The following METTL15 variants were observed in gnomAD, a reference collection of about 807,000 sequenced individuals.
METTL15 encodes the protein 12S rRNA N(4)-cytidine methyltransferase METTL15.
A neutral mutation model predicts 38.3 loss-of-function variants in METTL15; 34 were observed. That is an observed-to-expected ratio of 0.89 (90% CI 0.68 to 1.18). The LOEUF (loss-of-function observed/expected upper bound fraction) is 1.18, where lower values mean the gene tolerates loss of function less well. Ranked by LOEUF, METTL15 falls within the 50% of genes most tolerant of loss-of-function variation. The pLI is 0.00. For missense variants in METTL15, 438 were observed against 498.4 expected (o/e 0.88, Z 1.15); for synonymous variants, 162 against 170.9 (o/e 0.95, Z 0.41).
At chr11:28,303,696 A>G (rs1856986720) in intron 6 of METTL15, among the ~76,000 whole-genome samples, 1 of 152,176 alleles carries the variant, frequency 6.6e-6, no homozygotes, top group Non-Finnish European at 1.5e-5. Context: ...ATAAATCAAT[A>G]AAAGGATACG....
rs913047877 is a variant in METTL15 at position 28,331,954 on chromosome 11, A to G, written c.*1113A>G. The stretch of plus-strand genomic sequence containing the variant: ...TATTCTCTTAGTTATCCTTGAAATC[A>G]TATTTATACTATTAATTTGCTCAGT... On this transcript the variant is annotated 3_prime_UTR_variant, in exon 7 of 7. Coordinates refer to ENST00000407364, the MANE Select transcript of METTL15 (RefSeq NM_001113528.2). 2.6e-5 allele frequency: 4 copies of G among 152,176 alleles called. No homozygotes were observed. Among genetic ancestry groups the G allele is most frequent in the African/African-American group, 9.6e-5 (4 of 41,458 alleles). The allele number at this position is 152,176 out of a possible 1,614,324, so 9.4% of individuals were successfully genotyped here. A position where few individuals can be genotyped will look rare whatever the true frequency, so the allele number is the denominator to read the frequency against.
chr11:28,199,680 C>G lies in METTL15; in HGVS notation c.271-11382C>G, dbSNP rs556758917. 2.2e-4 allele frequency among the ~76,000 whole-genome samples: 33 copies of G among 151,688 alleles called. No homozygotes were observed. In the South Asian group the frequency reaches 6.7e-3, roughly 31 times the overall value. On this transcript the variant is annotated intron_variant, in intron 3 of 6. Coordinates refer to ENST00000407364, the MANE Select transcript of METTL15 (RefSeq NM_001113528.2). ...TTTTGAAGTAAATGGCTCCAATATA[C>G]TCATCTGTAAAATGGGATTACATTA...
intron 6 of METTL15, among the ~76,000 whole-genome samples, chr11:28,453,904 G>A (rs1219189769): frequency 1.3e-5 from 2 of 152,096 alleles, no homozygotes; most frequent in Non-Finnish European, 2.9e-5. Context: ...ACTTTAATTG[G>A]CACAGATCCC....
chr11:28,408,900 T>C (rs1397711875), intron 5 of METTL15, among the ~76,000 whole-genome samples: 2 of 152,164 alleles, frequency 1.3e-5, no homozygotes, highest in African/African-American at 4.8e-5. Context: ...TACCACACCC[T>C]CTTTCAACAA....
chr11:28,162,310 A>T (rs1034259255), intron 3 of METTL15, among the ~76,000 whole-genome samples: 29 of 152,186 alleles, frequency 1.9e-4, no homozygotes, highest in Admixed American at 4.6e-4. Flanking sequence ...ATTAGAGTGT[A>T]CATTGTCTTG....
intron 3 of METTL15, among the ~76,000 whole-genome samples, chr11:28,198,229 G>A (rs1851980947): frequency 1.3e-5 from 2 of 152,034 alleles, no homozygotes; most frequent in South Asian, 4.1e-4. Context: ...AGCTACTTGT[G>A]TTAATTTAGC....
chr11:28,481,853 G>A (rs900464399), intron 6 of METTL15, among the ~76,000 whole-genome samples: 2 of 152,318 alleles, frequency 1.3e-5, no homozygotes, highest in Non-Finnish European at 2.9e-5. Context: ...TGTTATTGGC[G>A]AGGGTCGCTG....
intron 4 of METTL15, among the ~76,000 whole-genome samples, chr11:28,260,440 T>C (rs1233656535): frequency 6.6e-6 from 1 of 152,234 alleles, no homozygotes; most frequent in African/African-American, 2.4e-5. Flanking sequence ...TATTTATTTA[T>C]GTCTTTCAAT....
At chr11:28,310,576 T>C (rs546731220) in intron 6 of METTL15, among the ~76,000 whole-genome samples, 5 of 152,298 alleles carry the variant, frequency 3.3e-5, no homozygotes, top group South Asian at 2.1e-4. Context: ...CCCTAAGATA[T>C]CACAGCTTTA....
intron 4 of METTL15, among the ~76,000 whole-genome samples, chr11:28,221,298 C>T (rs900288608): frequency 2.7e-4 from 41 of 152,288 alleles, no homozygotes; most frequent in African/African-American, 9.9e-4. Context: ...CTTCTCGCTT[C>T]ATTTCATTCA....
chr11:28,207,599 G>T (rs34529353), intron 3 of METTL15, among the ~76,000 whole-genome samples: 1 of 152,176 alleles, frequency 6.6e-6, no homozygotes, highest in South Asian at 2.1e-4. Context: ...GCCCGGCTTT[G>T]GTGTCAGGAT....
At chr11:28,201,610 G>GGGGTGTGTGTGTGTGTGTGTGT (rs1554997839) in intron 3 of METTL15, among the ~76,000 whole-genome samples, 30 of 145,654 alleles carry the variant, frequency 2.1e-4, no homozygotes, top group African/African-American at 3.3e-4. Flanking sequence ...GTCTTGGGAG[G>GGGGTGTGTGTGTGTGTGTGTGT]GTGTGTGTGT....
chr11:28,172,578 A>G (rs1050259014), intron 3 of METTL15, among the ~76,000 whole-genome samples: 4 of 152,272 alleles, frequency 2.6e-5, no homozygotes, highest in African/African-American at 9.6e-5. Flanking sequence ...GCACTCTACT[A>G]ACTGCCTTAC....
At chr11:28,190,731 T>C (rs1259643178) in intron 3 of METTL15, among the ~76,000 whole-genome samples, 1 of 151,262 alleles carries the variant, frequency 6.6e-6, no homozygotes, top group Non-Finnish European at 1.5e-5. Context: ...GAAACATAGG[T>C]AAATTATAAT....
intron 3 of METTL15, among the ~76,000 whole-genome samples, chr11:28,342,377 C>A (rs1406838454): frequency 6.6e-6 from 1 of 152,086 alleles, no homozygotes; most frequent in Non-Finnish European, 1.5e-5. Context: ...GTCCTCCCAT[C>A]TCGGCCTCCC....
At chr11:28,323,014 C>T (rs1009458044) in intron 6 of METTL15, among the ~76,000 whole-genome samples, 10 of 151,932 alleles carry the variant, frequency 6.6e-5, no homozygotes, top group South Asian at 6.2e-4. Context: ...ACAGATGATT[C>T]GTTTCTTATA....
chr11:28,201,001 GA>G (rs1374040339), intron 3 of METTL15, among the ~76,000 whole-genome samples: 1 of 152,032 alleles, frequency 6.6e-6, no homozygotes, highest in African/African-American at 2.4e-5. Flanking sequence ...TTTTCAAAGG[GA>G]ACACTTCCAG....
chr11:28,239,479 C>G (rs1854190426), intron 4 of METTL15, among the ~76,000 whole-genome samples: 1 of 152,232 alleles, frequency 6.6e-6, no homozygotes, highest in Non-Finnish European at 1.5e-5. Context: ...CCACCATCAT[C>G]TCCTAATTGG....
intron 4 of METTL15, among the ~76,000 whole-genome samples, chr11:28,255,603 T>A (rs895443472): frequency 6.6e-6 from 1 of 152,320 alleles, no homozygotes; most frequent in Middle Eastern, 3.4e-3. Context: ...TGGTTTTTAT[T>A]ATGTTGAGAT....
Sources: gnomAD v4.1 joint callset for allele counts (sites outside exome capture counted in the v4.1 genomes callset) on GRCh38, gnomAD v4.1.1 for gene constraint, MANE v1.5 for transcripts, NCBI Gene and HGNC (gene_info 2026-07-23, HGNC 2026-07-21) for gene names.